The following PVT1 variants were observed in gnomAD, a reference collection of about 807,000 sequenced individuals.
PVT1 encodes Pvt1 oncogene.
intron 3 of PVT1, chr8:127,948,101 G>T: frequency 2.7e-6 from 1 of 374,306 alleles, no homozygotes; most frequent in South Asian, 2.1e-5. Flanking sequence ...CGGTCAGCCT[G>T]CCTTTGACCC....
At chr8:128,042,235 G>T (rs148621468) in intron 4 of PVT1, among the ~76,000 whole-genome samples, 1 of 152,312 alleles carries the variant, frequency 6.6e-6, no homozygotes, top group East Asian at 1.9e-4. Flanking sequence ...CACCCTCTTT[G>T]TTCCTTGTTT....
At chr8:127,820,268 T>TA (rs1313889835) in intron 2 of PVT1, among the ~76,000 whole-genome samples, 1 of 152,138 alleles carries the variant, frequency 6.6e-6, no homozygotes, top group Non-Finnish European at 1.5e-5. Flanking sequence ...AGGGCAAACA[T>TA]ACACCCCTCC....
chr8:127,998,572 T>C (rs561454950), intron 4 of PVT1, among the ~76,000 whole-genome samples: 58 of 140,912 alleles, frequency 4.1e-4, no homozygotes, highest in African/African-American at 1.3e-3. Flanking sequence ...TTCCTTCCCT[T>C]CCTCCCTCCC....
chr8:128,030,415 G>A (rs1813374639), intron 4 of PVT1, among the ~76,000 whole-genome samples: 1 of 152,092 alleles, frequency 6.6e-6, no homozygotes, highest in Non-Finnish European at 1.5e-5. Context: ...AATGTAAGTT[G>A]AATTTTTTTT....
intron 5 of PVT1, among the ~76,000 whole-genome samples, chr8:128,086,942 C>T (rs1226811501): frequency 6.6e-6 from 1 of 152,228 alleles, no homozygotes; most frequent in African/African-American, 2.4e-5. Flanking sequence ...TGATTTACAG[C>T]TATGTCCTTG....
intron 3 of PVT1, among the ~76,000 whole-genome samples, chr8:127,908,192 T>A (rs1815846009): frequency 6.6e-6 from 1 of 152,142 alleles, no homozygotes; most frequent in South Asian, 2.1e-4. Flanking sequence ...CACATTTTAG[T>A]ATTCCGTACA....
intron 4 of PVT1, among the ~76,000 whole-genome samples, chr8:128,014,804 T>C (rs1312297049): frequency 6.6e-6 from 1 of 152,214 alleles, no homozygotes; most frequent in Non-Finnish European, 1.5e-5. Flanking sequence ...TAATGACAAA[T>C]GCAACTGGCT....
rs557081599 is a variant in PVT1 at position 127,993,846 on chromosome 8, G to A, written n.912+4555G>A. Among the ~76,000 whole-genome samples, 3 of 152,284 alleles carry A rather than the reference G, an allele frequency of 2.0e-5. No individual in the cohort carries two copies. In the East Asian group the frequency reaches 5.8e-4, roughly 29 times the overall value. ...TTCTTGTATTGCACAAATATCGAACGAGAACCTGCAGTGTGCCACTGTGCA... is the reference window on the plus strand; with the variant it reads ...TTCTTGTATTGCACAAATATCGAACAAGAACCTGCAGTGTGCCACTGTGCA... On this transcript the variant is annotated intron_variant and non_coding_transcript_variant, in intron 4 of 10. Coordinates refer to ENST00000651587, the Ensembl canonical transcript of PVT1.
At chr8:127,851,746 A>G (rs867106927) in intron 2 of PVT1, among the ~76,000 whole-genome samples, 1 of 152,164 alleles carries the variant, frequency 6.6e-6, no homozygotes, top group Non-Finnish European at 1.5e-5. Context: ...CTGATTCATC[A>G]TGATGCAGGC....
intron 2 of PVT1, among the ~76,000 whole-genome samples, chr8:127,878,262 A>G (rs75637750): frequency 0.011 from 1,636 of 152,270 alleles, 20 homozygotes; most frequent in Non-Finnish European, 0.014. Flanking sequence ...TCATTTCAGC[A>G]TCTTAATCAT....
intron 3 of PVT1, among the ~76,000 whole-genome samples, chr8:127,949,356 T>A (rs186273216): frequency 7.1e-6 from 1 of 141,260 alleles, no homozygotes; most frequent in East Asian, 2.2e-4. Context: ...TGCATTGAGT[T>A]TGGAATGTTT....
chr8:127,954,801 C>T (rs147040852), intron 3 of PVT1, among the ~76,000 whole-genome samples: 13 of 152,260 alleles, frequency 8.5e-5, no homozygotes, highest in Non-Finnish European at 1.8e-4. Context: ...AACTGGTGCT[C>T]GGCTTGGTCC....
intron 3 of PVT1, among the ~76,000 whole-genome samples, chr8:127,943,920 C>G (rs1367187819): frequency 9.2e-5 from 14 of 152,116 alleles, no homozygotes; most frequent in Non-Finnish European, 2.9e-5. Flanking sequence ...TGTTACTCCA[C>G]ATGTGGGAGA....
chr8:127,896,782 C>T (rs55849445), intron 3 of PVT1, among the ~76,000 whole-genome samples: 11 of 149,568 alleles, frequency 7.4e-5, no homozygotes, highest in Non-Finnish European at 1.3e-4. Flanking sequence ...CCTCCCCCCC[C>T]CCGCCCCCGA....
At chr8:127,969,841 C>T (rs1422798044) in intron 3 of PVT1, among the ~76,000 whole-genome samples, 1 of 152,168 alleles carries the variant, frequency 6.6e-6, no homozygotes, top group Non-Finnish European at 1.5e-5. Context: ...GGATTGAACC[C>T]TGGCCTGTCT....
intron 3 of PVT1, among the ~76,000 whole-genome samples, chr8:127,987,750 C>A (rs1021079046): frequency 6.6e-6 from 1 of 152,232 alleles, no homozygotes; most frequent in Non-Finnish European, 1.5e-5. Context: ...CACCGTCAAC[C>A]AAGAGGCTGT....
chr8:128,044,451 C>T (rs1305064568), intron 4 of PVT1, among the ~76,000 whole-genome samples: 1 of 152,192 alleles, frequency 6.6e-6, no homozygotes, highest in East Asian at 1.9e-4. Flanking sequence ...ATGACCTCCA[C>T]ACCCAGCCTC....
intron 3 of PVT1, among the ~76,000 whole-genome samples, chr8:127,901,036 G>A (rs190670070): frequency 6.6e-6 from 1 of 152,358 alleles, no homozygotes. Context: ...TGCAGAAGCA[G>A]CAGAAAGAAC....
chr8:127,952,962 C>T (rs1816523930), intron 3 of PVT1, among the ~76,000 whole-genome samples: 1 of 152,108 alleles, frequency 6.6e-6, no homozygotes, highest in Admixed American at 6.5e-5. Flanking sequence ...GACGGGGTTT[C>T]ACCATGTTGG....
Sources: gnomAD v4.1 joint callset for allele counts (sites outside exome capture counted in the v4.1 genomes callset) on GRCh38, gnomAD v4.1.1 for gene constraint, MANE v1.5 for transcripts, NCBI Gene and HGNC (gene_info 2026-07-23, HGNC 2026-07-21) for gene names.